ARHGEF26: variants seen among roughly 807,000 people sequenced by gnomAD.
ARHGEF26 encodes Rho guanine nucleotide exchange factor (GEF) 26.
A neutral mutation model predicts 89.4 loss-of-function variants in ARHGEF26; 59 were observed. That is an observed-to-expected ratio of 0.66 (90% CI 0.54 to 0.82). The LOEUF (loss-of-function observed/expected upper bound fraction) is 0.82, where lower values mean the gene tolerates loss of function less well. Ranked by LOEUF, ARHGEF26 falls within the 40% of genes least tolerant of loss-of-function variation. The probability of loss-of-function intolerance (pLI) is 0.00; values close to 1 mark genes in which losing one functional copy is unlikely to be tolerated. For synonymous variants in ARHGEF26, 500 were observed against 428.4 expected (o/e 1.17, Z -2.06); for missense variants, 1,234 against 1,085.6 (o/e 1.14, Z -1.92).
intron 6 of ARHGEF26, among the ~76,000 whole-genome samples, chr3:154,166,453 G>A (rs1466604251): frequency 6.6e-6 from 1 of 152,184 alleles, no homozygotes; most frequent in East Asian, 1.9e-4. Flanking sequence ...GAGAGGGAAC[G>A]TTCATGCTCT....
intron 8 of ARHGEF26, 69 bp downstream of exon 8, chr3:154,191,487 T>C: frequency 2.6e-6 from 4 of 1,524,236 alleles, no homozygotes; most frequent in Non-Finnish European, 2.6e-6. Flanking sequence ...TAGAAAATTA[T>C]TATTATTCCA....
chr3:154,161,100 TTGTGTGTG>T (rs761296397), intron 6 of ARHGEF26, among the ~76,000 whole-genome samples: 1 of 17,606 alleles, frequency 5.7e-5, no homozygotes, highest in Non-Finnish European at 1.7e-4. Flanking sequence ...GTAGCCAGGT[TTGTGTGTG>T]TGTGTGTGTG....
intron 8 of ARHGEF26, among the ~76,000 whole-genome samples, chr3:154,192,824 A>T (rs1055417949): frequency 6.6e-6 from 1 of 152,190 alleles, no homozygotes; most frequent in African/African-American, 2.4e-5. Context: ...AATGCATTTT[A>T]TTCCTCTTTG....
chr3:154,252,449 G>T (rs994623795), intron 12 of ARHGEF26, among the ~76,000 whole-genome samples: 4 of 152,182 alleles, frequency 2.6e-5, no homozygotes, highest in Admixed American at 1.3e-4. Context: ...ATTATGTAGA[G>T]AAGTGCTTGC....
At chr3:154,220,336 A>T (rs941345754) in intron 10 of ARHGEF26, among the ~76,000 whole-genome samples, 31 of 152,238 alleles carry the variant, frequency 2.0e-4, no homozygotes, top group Admixed American at 2.0e-3. Flanking sequence ...GGAGTCAGCA[A>T]AGTCTACAGC....
intron 9 of ARHGEF26, among the ~76,000 whole-genome samples, chr3:154,214,049 A>C (rs1256472569): frequency 6.6e-6 from 1 of 152,132 alleles, no homozygotes; most frequent in East Asian, 1.9e-4. Context: ...GGGGTGAAGG[A>C]TGTTCAGACA....
intron 4 of ARHGEF26, among the ~76,000 whole-genome samples, chr3:154,141,441 C>T (rs1719377705): frequency 6.6e-6 from 1 of 152,180 alleles, no homozygotes; most frequent in Non-Finnish European, 1.5e-5. Context: ...AACTCTGCTC[C>T]AGTCAGCTTT....
chr3:154,153,597 A>G lies in ARHGEF26; in HGVS notation c.1487+665A>G, dbSNP rs1417318075. On this transcript the variant is annotated intron_variant, in intron 6 of 14. Transcript: ENST00000465093. Reference sequence around the variant, plus strand: ...GATGATGCTTTTATGATTTTATTCCATTTAAGTTTTGTACGTGTAAGTAGT... The same window carrying G: ...GATGATGCTTTTATGATTTTATTCCGTTTAAGTTTTGTACGTGTAAGTAGT... Among the ~76,000 whole-genome samples the G allele has an allele frequency of 5.3e-5, 8 of 152,084 alleles. No homozygotes were observed. The East Asian group carries it at 1.2e-3, about 22-fold the overall frequency.
chr3:154,228,934 T>TC (rs931368891), intron 11 of ARHGEF26, among the ~76,000 whole-genome samples: 24 of 152,314 alleles, frequency 1.6e-4, no homozygotes, highest in African/African-American at 5.8e-4. Flanking sequence ...CAGCTGGGCT[T>TC]CCAGTGGTTT....
intron 11 of ARHGEF26, among the ~76,000 whole-genome samples, chr3:154,238,102 C>T (rs1472840615): frequency 2.0e-5 from 3 of 152,150 alleles, no homozygotes; most frequent in East Asian, 3.8e-4. Flanking sequence ...TAAACTTGTT[C>T]TGTGTTGCTA....
intron 9 of ARHGEF26, among the ~76,000 whole-genome samples, chr3:154,216,048 T>G (rs2108242211): frequency 6.6e-6 from 1 of 152,336 alleles, no homozygotes; most frequent in African/African-American, 2.4e-5. Flanking sequence ...TGACCCAGTC[T>G]GTTTCCAACT....
At chr3:154,126,850 T>C (rs1202565755) in intron 3 of ARHGEF26, among the ~76,000 whole-genome samples, 1 of 152,190 alleles carries the variant, frequency 6.6e-6, no homozygotes, top group African/African-American at 2.4e-5. Context: ...AGTTTTGTTG[T>C]TGTGCAAATA....
chr3:154,247,407 A>G (rs1299594530), intron 12 of ARHGEF26, among the ~76,000 whole-genome samples: 11 of 152,082 alleles, frequency 7.2e-5, no homozygotes, highest in Admixed American at 6.5e-4. Flanking sequence ...ATCTTTCCCC[A>G]TCTTTCCATT....
At chr3:154,168,030 T>C (rs1030126160) in intron 6 of ARHGEF26, among the ~76,000 whole-genome samples, 5 of 152,342 alleles carry the variant, frequency 3.3e-5, no homozygotes, top group African/African-American at 1.2e-4. Context: ...AATTTATTTA[T>C]CTTAGTAAGC....
intron 11 of ARHGEF26, among the ~76,000 whole-genome samples, chr3:154,233,054 A>G (rs1196933895): frequency 6.6e-6 from 1 of 151,626 alleles, no homozygotes; most frequent in African/African-American, 2.4e-5. Flanking sequence ...GATGGTGTGG[A>G]TCTACTGACC....
At position 154,256,519 on chromosome 3, in the gene ARHGEF26, C is replaced by G; in HGVS notation, c.*1046C>G. 2 of 950,802 alleles carry G rather than the reference C, an allele frequency of 2.1e-6. No individual in the cohort carries two copies. Among genetic ancestry groups the G allele is most frequent in the Non-Finnish European group, 2.5e-6 (2 of 805,580 alleles). 58.9% of individuals were successfully genotyped at this position (950,802 alleles called of 1,614,324 possible). ...AAGTGCTGGGATTATAGGCATGAGC[C>G]ACCGTGCCCAGCCTACTTTCTAATT... On this transcript the variant is annotated 3_prime_UTR_variant, in exon 15 of 15. Coordinates refer to ENST00000465093, the MANE Select transcript of ARHGEF26 (RefSeq NM_015595.4).
At chr3:154,254,697 A>C (rs375681512) in intron 13 of ARHGEF26, 23 bp from the exon 14 acceptor site, 8 of 1,596,218 alleles carry the variant, frequency 5.0e-6, no homozygotes, top group Non-Finnish European at 6.9e-6. Flanking sequence ...CTGGAAACTT[A>C]GTATGTCCTC....
intron 8 of ARHGEF26, 79 bp downstream of exon 8, chr3:154,191,497 A>G: frequency 6.7e-7 from 1 of 1,488,642 alleles, no homozygotes; most frequent in Non-Finnish European, 9.0e-7. Context: ...TTATTATTCC[A>G]CTTAAATTGA....
At chr3:154,245,120 C>G (rs184849079) in intron 12 of ARHGEF26, among the ~76,000 whole-genome samples, 1 of 152,318 alleles carries the variant, frequency 6.6e-6, no homozygotes, top group African/African-American at 2.4e-5. Flanking sequence ...CTCCCCTTCA[C>G]GGGTTCAAGT....
Sources: gnomAD v4.1 joint callset for allele counts (sites outside exome capture counted in the v4.1 genomes callset) on GRCh38, gnomAD v4.1.1 for gene constraint, MANE v1.5 for transcripts, NCBI Gene and HGNC (gene_info 2026-07-23, HGNC 2026-07-21) for gene names.